The following PTPN23 variants were observed in gnomAD, a reference collection of about 807,000 sequenced individuals.
PTPN23 encodes protein tyrosine phosphatase non-receptor type 23, also known as tyrosine-protein phosphatase non-receptor type 23.
PTPN23 carries 72 observed loss-of-function variants against 156.3 expected under a neutral mutation model. The observed-to-expected ratio is 0.46, with a 90% CI of 0.38 to 0.56. The LOEUF (loss-of-function observed/expected upper bound fraction) is 0.56, where lower values mean the gene tolerates loss of function less well. Ranked by LOEUF, PTPN23 falls within the 20% of genes least tolerant of loss-of-function variation. The probability of loss-of-function intolerance (pLI) is 0.00; values close to 1 mark genes in which losing one functional copy is unlikely to be tolerated. For synonymous variants in PTPN23, 957 were observed against 899.6 expected (o/e 1.06, Z -1.14); for missense variants, 1,974 against 2,171.5 (o/e 0.91, Z 1.81).
intron 1 of PTPN23, 38 bp downstream of exon 1, chr3:47,381,218 T>G: frequency 6.4e-7 from 1 of 1,554,734 alleles, no homozygotes; most frequent in South Asian, 1.2e-5. Flanking sequence ...ATCCGCCGCG[T>G]ATCTCCGTCG....
Position 47,409,204 on chromosome 3 carries a change from A to T in PTPN23, c.1684A>T (p.Lys562Ter), listed in dbSNP as rs1705204908. 1.2e-6 allele frequency: 2 copies of T among 1,614,190 alleles called. No homozygotes were observed. The highest frequency in any genetic ancestry group is 1.7e-6 in the Non-Finnish European group (2 of 1,180,042). ...GCAAAACCTAAAGCGCATCCTGGCT[A>T]AGGTGCAGGAGATGCGGGACCAGCG... ...VLQNLKRILA[K>*]VQEMRDQRVS... Residue 562 changes from lysine (K) to a stop codon, truncating the protein, a stop_gained, in exon 17 of 25, where the codon AAG (lysine) becomes TAG (stop). Transcript: ENST00000265562. LOFTEE classifies it high-confidence loss of function.
Position 47,408,846 on chromosome 3 carries a change from G to A in PTPN23, c.1401G>A (p.Glu467=). The change falls in exon 16 of 25, where the codon GAG becomes GAA. Residue 467 remains glutamate, a synonymous_variant. Coordinates refer to ENST00000265562, the MANE Select transcript of PTPN23 (RefSeq NM_015466.4). ...TCAGAGATCTGTTGGAGGAGGATGA[G>A]CTGCTAGAGCAGAAGTTTCAGGAGG... ...KDIRDLLEED[E]LLEQKFQEAV... 6.2e-7 allele frequency: 1 copy of A among 1,614,096 alleles called. No individual in the cohort carries two copies. Among genetic ancestry groups the A allele is most frequent in the Non-Finnish European group, 8.5e-7 (1 of 1,179,950 alleles).
rs1202125982 is a variant in PTPN23, at chr3:47,412,430, C to G, written c.4317+9C>G. On this transcript the variant is annotated intron_variant, in intron 23 of 24. Transcript: ENST00000265562. ...ACATGCTGCAGGAGAAGGTGAGGAT[C>G]TGGGCAGATGGGGCTGGGATGGGCC... is the stretch of plus-strand genomic sequence containing the variant. 4.3e-6 allele frequency: 7 copies of G among 1,612,558 alleles called. No individual in the cohort carries two copies. The highest frequency in any genetic ancestry group is 5.1e-6 in the Non-Finnish European group (6 of 1,179,728).
intron 2 of PTPN23, among the ~76,000 whole-genome samples, chr3:47,396,459 C>T (rs1443754518): frequency 2.0e-5 from 3 of 152,070 alleles, no homozygotes; most frequent in Non-Finnish European, 2.9e-5. Context: ...CCTGTAGTTC[C>T]GGCTACTCAG....
chr3:47,390,773 G>T (rs886809824), intron 1 of PTPN23, among the ~76,000 whole-genome samples: 1 of 152,140 alleles, frequency 6.6e-6, no homozygotes, highest in Non-Finnish European at 1.5e-5. Flanking sequence ...TATCCTGGCT[G>T]CTCCACTGAC....
Position 47,409,853 on chromosome 3 carries a change from C to G in PTPN23, c.2129+19C>G, listed in dbSNP as rs749150954. ...TGGACAGGTTTGTGTGGCCCTGGGG[C>G]TGTGGTGCGGCTCGGGTCCAGACAG... On this transcript the variant is annotated intron_variant, in intron 19 of 24. Transcript: ENST00000265562. 15 of 1,605,246 alleles carry G rather than the reference C, an allele frequency of 9.3e-6. No individual in the cohort carries two copies. Among genetic ancestry groups the G allele is most frequent in the Non-Finnish European group, 1.1e-5 (13 of 1,175,766 alleles).
At position 47,404,663 on chromosome 3, in the gene PTPN23, T is replaced by C. The variant is rs751995628; in HGVS notation, c.171T>C (p.Arg57=). The change falls in exon 3 of 25, where the codon CGT becomes CGC. Residue 57 remains arginine (R), a synonymous_variant. Transcript: ENST00000265562. ...ATCCTGCCCCCCAGAATGCTGTCCG[T>C]GTCCCACGAGACTTTGAGGGCTGTA... is the stretch of plus-strand genomic sequence containing the variant. The part of the protein sequence containing the change: ...KLELLRQNAV[R]VPRDFEGCSV... The C allele has an allele frequency of 1.2e-5, 20 of 1,613,748 alleles. No individual in the cohort carries two copies. The highest frequency in any genetic ancestry group is 1.6e-5 in the Non-Finnish European group (19 of 1,179,944).
chr3:47,409,024 C>T lies in PTPN23; in HGVS notation c.1579C>T (p.Arg527Cys), dbSNP rs150002416. The part of the protein sequence containing the change: ...RAMNLHVGNL[R>C]LLSGPLDQVR... ...CATGAACCTGCACGTCGGCAACCTG[C>T]GCCTGCTCAGCGGGCCGCTTGACCA... The change falls in exon 16 of 25, where the codon CGC becomes TGC. Residue 527 changes from arginine (R) to cysteine (C), a missense_variant. Physicochemically the swap from Arg to Cys is radical, Grantham distance 180. Coordinates refer to ENST00000265562, the MANE Select transcript of PTPN23 (RefSeq NM_015466.4). 7.3e-5 allele frequency: 118 copies of T among 1,613,918 alleles called. No individual in the cohort carries two copies. Among genetic ancestry groups the T allele is most frequent in the Non-Finnish European group, 7.9e-5 (93 of 1,180,028 alleles).
At position 47,406,345 on chromosome 3, in the gene PTPN23, C is replaced by T; in HGVS notation, c.567C>T (p.Leu189=). ...NLMLGQAQEC[L]LEKSMLDNRK... is the part of the protein sequence containing the mutation. Reference sequence around the variant, plus strand: ...CCCAGGGCCAGGCTCAGGAGTGCCTCCTGGAGAAGTCGATGTTGGACAACA... The same window carrying T: ...CCCAGGGCCAGGCTCAGGAGTGCCTTCTGGAGAAGTCGATGTTGGACAACA... The change falls in exon 7 of 25, where the codon CTC becomes CTT. Residue 189 remains leucine, a synonymous_variant. Coordinates refer to ENST00000265562, the MANE Select transcript of PTPN23 (RefSeq NM_015466.4). This position sits in a 1 kb window ranked among gnomAD's most constrained non-coding sequence, Gnocchi z 5.8. The T allele has an allele frequency of 1.9e-6, 3 of 1,613,674 alleles. No homozygotes were observed. The highest frequency in any genetic ancestry group is 2.5e-6 in the Non-Finnish European group (3 of 1,180,000).
Position 47,411,163 on chromosome 3 carries a change from C to T in PTPN23, c.3365C>T (p.Ser1122Phe). 1 of 1,602,032 alleles carries T rather than the reference C, an allele frequency of 6.2e-7. No individual in the cohort carries two copies. Among genetic ancestry groups the T allele is most frequent in the South Asian group, 1.1e-5 (1 of 89,998 alleles). The change falls in exon 20 of 25, where the codon TCC (serine) becomes TTC (phenylalanine). Residue 1122 changes from serine to phenylalanine, a missense_variant. By Grantham distance (155) the Ser-to-Phe change is radical. This residue lies in a region of PTPN23 where 731 missense variants were observed against 669.1 expected (regional missense o/e 1.09). Transcript: ENST00000265562. The surrounding 1 kb of genome is among the most constrained non-coding windows in gnomAD (Gnocchi z 6.3). ...RGAAAADLLS[S>F]SPESQHGGTQ... Reference sequence around the variant, plus strand: ...GCCGCAGCTGCAGACCTGCTCTCCTCCAGCCCGGAGAGCCAGCATGGCGGC... The same window carrying T: ...GCCGCAGCTGCAGACCTGCTCTCCTTCAGCCCGGAGAGCCAGCATGGCGGC...
At position 47,411,542 on chromosome 3, in the gene PTPN23, C is replaced by G; in HGVS notation, c.3744C>G (p.Cys1248Trp). 6.2e-7 allele frequency: 1 copy of G among 1,612,846 alleles called. No homozygotes were observed. The highest frequency in any genetic ancestry group is 8.5e-7 in the Non-Finnish European group (1 of 1,180,004). The change falls in exon 20 of 25, where the codon TGC becomes TGG. Residue 1248 changes from cysteine (C) to tryptophan (W), a missense_variant. Transcript: ENST00000265562. This position sits in a 1 kb window ranked among gnomAD's most constrained non-coding sequence, Gnocchi z 6.3. Reference sequence around the variant, plus strand: ...AGGATGACTACATCAATGCCAGCTGCGTGGAGGGGCTCTCCCCATACTGCC... The same window carrying G: ...AGGATGACTACATCAATGCCAGCTGGGTGGAGGGGCTCTCCCCATACTGCC... ...SGKDDYINAS[C>W]VEGLSPYCPP...
rs768417747 is a variant in PTPN23 at position 47,410,867 on chromosome 3, T to C, written c.3069T>C (p.Ala1023=). The C allele has an allele frequency of 2.5e-6, 4 of 1,575,438 alleles. No individual in the cohort carries two copies. Among genetic ancestry groups the C allele is most frequent in the Non-Finnish European group, 3.4e-6 (4 of 1,167,378 alleles). ...ACACCCAGCTCTACCCAGGTCCCGC[T>C]CAAGACCCTCTGCCAGCCCACTCAG... ...PLHTQLYPGP[A]QDPLPAHSGA... Residue 1023 remains alanine (A), a synonymous_variant, in exon 20 of 25, where the codon GCT becomes GCC. Transcript: ENST00000265562.
intron 1 of PTPN23, among the ~76,000 whole-genome samples, chr3:47,395,435 G>A (rs1489205261): frequency 6.6e-6 from 1 of 152,206 alleles, no homozygotes; most frequent in African/African-American, 2.4e-5. Context: ...GATCTGAGTT[G>A]AACAGGGGGC....
rs1705349959 is a variant in PTPN23 at position 47,412,694 on chromosome 3, C to CT, written c.4432-11dup. 3 of 1,597,910 alleles carry CT rather than the reference C, an allele frequency of 1.9e-6. No individual in the cohort carries two copies. Among genetic ancestry groups the CT allele is most frequent in the Non-Finnish European group, 1.7e-6 (2 of 1,170,044 alleles). On this transcript the variant is annotated splice_polypyrimidine_tract_variant and intron_variant, in intron 24 of 24. Coordinates refer to ENST00000265562, the MANE Select transcript of PTPN23 (RefSeq NM_015466.4). ...TTGGGACTCCCTCTCCTCACTCACT[C>CT]TGTCTTCTCAGAACCACCTTCCTCA...
intron 1 of PTPN23, among the ~76,000 whole-genome samples, chr3:47,394,332 T>C (rs1276085078): frequency 6.6e-6 from 1 of 152,164 alleles, no homozygotes; most frequent in East Asian, 1.9e-4. Context: ...ATGTTTGGAA[T>C]GTGAGCGGAA....
intron 2 of PTPN23, among the ~76,000 whole-genome samples, chr3:47,398,078 T>G (rs911504412): frequency 6.6e-6 from 1 of 152,074 alleles, no homozygotes; most frequent in Non-Finnish European, 1.5e-5. Context: ...GGTGGATCAC[T>G]TGAAATCAGG....
At position 47,381,133 on chromosome 3, in the gene PTPN23, G is replaced by C; in HGVS notation, c.37G>C (p.Asp13His). ...GCCCCGCATGCCCATGATCTGGCTG[G>C]ACCTGAAGGAGGCCGGTGACTTTCA... ...AVPRMPMIWL[D>H]LKEAGDFHFQ... The change falls in exon 1 of 25, where the codon GAC (aspartate) becomes CAC (histidine). Residue 13 changes from aspartate to histidine, a missense_variant. Physicochemically the swap from Asp to His is moderately conservative, Grantham distance 81 (BLOSUM62 -1). Transcript: ENST00000265562. 1.3e-6 allele frequency: 2 copies of C among 1,591,764 alleles called. No individual in the cohort carries two copies. The highest frequency in any genetic ancestry group is 1.1e-5 in the South Asian group (1 of 87,418).
intron 2 of PTPN23, among the ~76,000 whole-genome samples, chr3:47,404,059 T>G (rs779708850): frequency 6.6e-6 from 1 of 152,182 alleles, no homozygotes; most frequent in Non-Finnish European, 1.5e-5. Context: ...GGCAAAACCC[T>G]GTCTCTATTA....
Position 47,409,781 on chromosome 3 carries a change from C to A in PTPN23, c.2076C>A (p.Arg692=). 1 of 1,608,240 alleles carries A rather than the reference C, an allele frequency of 6.2e-7. No individual in the cohort carries two copies. Among genetic ancestry groups the A allele is most frequent in the Non-Finnish European group, 8.5e-7 (1 of 1,179,432 alleles). The change falls in exon 19 of 25, where the codon CGC becomes CGA. Residue 692 remains arginine, a synonymous_variant. Coordinates refer to ENST00000265562, the MANE Select transcript of PTPN23 (RefSeq NM_015466.4). ...GCAAGGTGGCTGCTCTGCTGGAGCG[C>A]ACGCAGTCCACCTGCCAGGCCCGCG... ...LESKVAALLE[R]TQSTCQAREA...
Sources: gnomAD v4.1 joint callset for allele counts (sites outside exome capture counted in the v4.1 genomes callset) on GRCh38, gnomAD v4.1.1 for gene constraint, gnomAD v4.1.1 regional missense constraint, Gnocchi (gnomAD v3.1) non-coding constraint, MANE v1.5 for transcripts, NCBI Gene and HGNC (gene_info 2026-07-23, HGNC 2026-07-21) for gene names.